POLI: variants seen among roughly 807,000 people sequenced by gnomAD.
POLI encodes the protein DNA polymerase iota, also known as RAD30 homolog B.
In POLI, 58 loss-of-function variants were observed where a neutral mutation model predicts 51.6. The ratio of observed to expected loss-of-function variants is 1.12; its 90% CI spans 0.91 to 1.40. The LOEUF is 1.40. POLI is among the 40% of genes most tolerant of loss of function. The pLI is 0.00. For synonymous variants in POLI, 322 were observed against 299.7 expected (o/e 1.07, Z -0.77); for missense variants, 921 against 871.3 (o/e 1.06, Z -0.72).
intron 3 of POLI, among the ~76,000 whole-genome samples, chr18:54,317,438 A>G (rs2088748542): frequency 6.6e-6 from 1 of 152,226 alleles, no homozygotes; most frequent in Non-Finnish European, 1.5e-5. Flanking sequence ...TCATTATTAG[A>G]AAAAAATGAA....
chr18:54,273,881 T>A, intron 2 of POLI, 45 bp from the exon 3 acceptor site: 1 of 1,093,488 alleles, frequency 9.1e-7, no homozygotes, highest in Non-Finnish European at 1.3e-6. Flanking sequence ...TCTTTAAATG[T>A]TTTCTTCAAT....
chr18:54,316,086 G>A (rs1018145538), intron 3 of POLI, among the ~76,000 whole-genome samples: 1 of 151,810 alleles, frequency 6.6e-6, no homozygotes, highest in Admixed American at 6.6e-5. Flanking sequence ...TGGCTAATTT[G>A]CTATTTTTTG....
Position 54,297,747 on chromosome 18 carries a change from C to T in POLI, c.*3280C>T, listed in dbSNP as rs926160969. ...AATGCTACCCTCTTTCCAAACAACA[C>T]AAAGGTATTGAAATAACATTAATTC... On this transcript the variant is annotated 3_prime_UTR_variant, in exon 10 of 10. Coordinates refer to ENST00000579534, the MANE Select transcript of POLI (RefSeq NM_007195.3). 6 of 969,052 alleles carry T rather than the reference C, an allele frequency of 6.2e-6. No homozygotes were observed. The highest frequency in any genetic ancestry group is 6.1e-6 in the Non-Finnish European group (5 of 815,278). 60.0% of individuals were successfully genotyped at this position (969,052 alleles called of 1,614,324 possible).
Position 54,283,785 on chromosome 18 carries a change from T to G in POLI, c.976-137T>G, listed in dbSNP as rs540935684. 26 of 478,354 alleles carry G rather than the reference T, an allele frequency of 5.4e-5. No homozygotes were observed. In the South Asian group the frequency reaches 9.7e-4, roughly 18 times the overall value. 29.6% of individuals were successfully genotyped at this position (478,354 alleles called of 1,614,324 possible). On this transcript the variant is annotated intron_variant, in intron 6 of 9. Transcript: ENST00000579534. ...AGATAAAAAACTGTTAATATAAAAG[T>G]GAACTAAATGGCTCAAACTAAGGAC...
chr18:54,283,075 T>G, intron 6 of POLI, 60 bp downstream of exon 6: 1 of 1,147,588 alleles, frequency 8.7e-7, no homozygotes, highest in Middle Eastern at 2.0e-4. Context: ...AGATAAAGAT[T>G]TCTAGTTTTA....
chr18:54,296,332 C>T lies in POLI; in HGVS notation c.*1865C>T. 8.1e-6 allele frequency: 8 copies of T among 985,176 alleles called. No individual in the cohort carries two copies. Among genetic ancestry groups the T allele is most frequent in the Non-Finnish European group, 9.6e-6 (8 of 829,716 alleles). The allele number at this position is 985,176 out of a possible 1,614,324, so 61.0% of individuals were successfully genotyped here. ...TAGATTGAGAATGTACGGGCTATGT[C>T]ACAGTTACGCTACTTATTTTGTGGT... On this transcript the variant is annotated 3_prime_UTR_variant, in exon 10 of 10. Coordinates refer to ENST00000579534, the MANE Select transcript of POLI (RefSeq NM_007195.3).
In POLI at chr18:54,274,364, G is replaced by A. The variant is rs542425624; in HGVS notation, c.406+274G>A. ...AAAGTGGAAAACAAAGTTTAAAAGT[G>A]AGAAAATGGGAAACTGTACTGTAAA... On this transcript the variant is annotated intron_variant, in intron 3 of 9. Transcript: ENST00000579534. 2.3e-4 allele frequency among the ~76,000 whole-genome samples: 35 copies of A among 152,132 alleles called. 1 individual carries two copies. The South Asian group carries it at 7.0e-3, about 31-fold the overall frequency.
chr18:54,272,103 C>T (rs1318638970), intron 2 of POLI: 1 of 152,070 alleles, frequency 6.6e-6, no homozygotes, highest in Non-Finnish European at 1.5e-5. Context: ...AGGAAAGATT[C>T]CTCTTTTAGT....
rs1205664366 is a variant in POLI, at chr18:54,293,832, G to C, written c.1588G>C (p.Glu530Gln). Residue 530 changes from glutamate to glutamine, a missense_variant, in exon 10 of 10, where the codon GAA (glutamate) becomes CAA (glutamine). Coordinates refer to ENST00000579534, the MANE Select transcript of POLI (RefSeq NM_007195.3). ...TTCACTTCCTGAAGGTGTTGACCAA[G>C]AAGTCTTCAAGCAGCTTCCAGTAGA... is the stretch of plus-strand genomic sequence containing the variant. ...LCSLPEGVDQ[E>Q]VFKQLPVDIQ... 6.2e-6 allele frequency: 10 copies of C among 1,609,932 alleles called. No individual in the cohort carries two copies. In the East Asian group the frequency reaches 2.2e-4, roughly 36 times the overall value.
intron 3 of POLI, among the ~76,000 whole-genome samples, chr18:54,313,971 G>C (rs1238072508): frequency 6.6e-6 from 1 of 152,134 alleles, no homozygotes; most frequent in Non-Finnish European, 1.5e-5. Context: ...GCTGTGGCCA[G>C]GATTTCCAGT....
Position 54,295,758 on chromosome 18 carries a change from G to A in POLI, c.*1291G>A, listed in dbSNP as rs954099468. On this transcript the variant is annotated 3_prime_UTR_variant, in exon 10 of 10. Coordinates refer to ENST00000579534, the MANE Select transcript of POLI (RefSeq NM_007195.3). Reference sequence around the variant, plus strand: ...TTCTCCTGCCTCAGCCTCCTGAGTAGCTGGGATTACACGCATGCCCTACCA... The same window carrying A: ...TTCTCCTGCCTCAGCCTCCTGAGTAACTGGGATTACACGCATGCCCTACCA... 1 of 193,982 alleles carries A rather than the reference G, an allele frequency of 5.2e-6. No individual in the cohort carries two copies. Among genetic ancestry groups the A allele is most frequent in the African/African-American group, 2.4e-5 (1 of 42,190 alleles). 12.0% of individuals were successfully genotyped at this position (193,982 alleles called of 1,614,324 possible).
rs1040333794 is a variant in POLI, at chr18:54,269,821, G to T, written c.115+160G>T. ...TCCCTCTGCCTTGTGTTACGCGGCG[G>T]GTACCTCTAGAGGAATGGCTTCACC... On this transcript the variant is annotated intron_variant, in intron 1 of 9. Transcript: ENST00000579534. 10 of 1,365,068 alleles carry T rather than the reference G, an allele frequency of 7.3e-6. No homozygotes were observed. In the African/African-American group the frequency reaches 1.5e-4, roughly 21 times the overall value. 84.6% of individuals were successfully genotyped at this position (1,365,068 alleles called of 1,614,324 possible). A position where few individuals can be genotyped will look rare whatever the true frequency, so the allele number is the denominator to read the frequency against.
Position 54,289,590 on chromosome 18 carries a change from A to G in POLI, c.1198+2179A>G, listed in dbSNP as rs1248380832. On this transcript the variant is annotated intron_variant, in intron 8 of 9. Coordinates refer to ENST00000579534, the MANE Select transcript of POLI (RefSeq NM_007195.3). ...TGACTTCAAACTATACTACAAGGCT[A>G]CAGTAACCAAAACAGCATGGTACTG... 2.7e-5 allele frequency among the ~76,000 whole-genome samples: 4 copies of G among 150,406 alleles called. 1 individual carries two copies. Among genetic ancestry groups the G allele is most frequent in the East Asian group, 3.9e-4 (2 of 5,192 alleles).
chr18:54,271,358 A>C lies in POLI; in HGVS notation c.116-2A>C. ...CTTTTTATTTCTTTGCATATTGTGC[A>C]GGAGTTCATGATCAAGTGTTGCCCA... On this transcript the variant is annotated splice_acceptor_variant, in intron 1 of 9. Coordinates refer to ENST00000579534, the MANE Select transcript of POLI (RefSeq NM_007195.3). LOFTEE classifies it high-confidence loss of function. The C allele has an allele frequency of 6.2e-7, 1 of 1,610,636 alleles. No homozygotes were observed. The highest frequency in any genetic ancestry group is 8.5e-7 in the Non-Finnish European group (1 of 1,178,448).
chr18:54,278,231 C>CT (rs1244455649), intron 4 of POLI, among the ~76,000 whole-genome samples: 3 of 152,112 alleles, frequency 2.0e-5, no homozygotes, highest in African/African-American at 7.2e-5. Flanking sequence ...GGAGACTGAG[C>CT]TGAGAAGATT....
intron 3 of POLI, among the ~76,000 whole-genome samples, chr18:54,314,398 A>G (rs2088706145): frequency 6.6e-6 from 1 of 152,130 alleles, no homozygotes; most frequent in Non-Finnish European, 1.5e-5. Flanking sequence ...TGGTTTTTGC[A>G]TCAATGTTCA....
At position 54,282,836 on chromosome 18, in the gene POLI, G is replaced by C; in HGVS notation, c.797-1G>C. 1 of 1,510,720 alleles carries C rather than the reference G, an allele frequency of 6.6e-7. No homozygotes were observed. Among genetic ancestry groups the C allele is most frequent in the East Asian group, 2.4e-5 (1 of 41,474 alleles). The allele number at this position is 1,510,720 out of a possible 1,614,324, so 93.6% of individuals were successfully genotyped here. On this transcript the variant is annotated splice_acceptor_variant, in intron 5 of 9. Transcript: ENST00000579534. LOFTEE classifies it high-confidence loss of function. ...CATTGTATGCATTTCTTTTTATTTA[G>C]GTATTGGCTATAAAACTGCCAAATG...
At position 54,294,242 on chromosome 18, in the gene POLI, A is replaced by G. The variant is rs201355805; in HGVS notation, c.1998A>G (p.Gln666=). The part of the protein sequence containing the change: ...FHSFPNLQSE[Q]LFSRNHTTDS... ...CATTTCCAAACTTGCAGAGTGAGCA[A>G]CTTTTCTCCAGAAACCACACTACAG... Residue 666 remains glutamine (Q), a synonymous_variant, in exon 10 of 10, where the codon CAA becomes CAG. Transcript: ENST00000579534. 43 of 1,613,734 alleles carry G rather than the reference A, an allele frequency of 2.7e-5. No individual in the cohort carries two copies. In the East Asian group the frequency reaches 7.6e-4, roughly 28 times the overall value.
chr18:54,296,237 C>T lies in POLI; in HGVS notation c.*1770C>T. 3 of 985,172 alleles carry T rather than the reference C, an allele frequency of 3.0e-6. No homozygotes were observed. In the South Asian group the frequency reaches 1.4e-4, roughly 46 times the overall value. 61.0% of individuals were successfully genotyped at this position (985,172 alleles called of 1,614,324 possible). On this transcript the variant is annotated 3_prime_UTR_variant, in exon 10 of 10. Coordinates refer to ENST00000579534, the MANE Select transcript of POLI (RefSeq NM_007195.3). ...CTAGAAGGGGCTTAAGAAAAAATGG[C>T]TAAGAAAACAAAGTAAATGGTTTTG...
Sources: gnomAD v4.1 joint callset for allele counts (sites outside exome capture counted in the v4.1 genomes callset) on GRCh38, gnomAD v4.1.1 for gene constraint, MANE v1.5 for transcripts, NCBI Gene and HGNC (gene_info 2026-07-23, HGNC 2026-07-21) for gene names.